The following FBXO34 variants were observed in gnomAD, a reference collection of about 807,000 sequenced individuals.
FBXO34 encodes F-box protein 34, also known as F-box only protein 34.
A neutral mutation model predicts 24.5 loss-of-function variants in FBXO34; 12 were observed. That is an observed-to-expected ratio of 0.49 (90% CI 0.31 to 0.79). FBXO34 has a LOEUF of 0.79. Among genes scored for constraint, FBXO34 ranks in the 30% least tolerant of loss-of-function variants. The pLI, the probability that FBXO34 is intolerant of heterozygous loss-of-function variation, is 0.04. For missense variants in FBXO34, 823 were observed against 857.7 expected, an observed-to-expected ratio of 0.96 and a Z score of 0.51; for synonymous variants, 320 against 311.9, an observed-to-expected ratio of 1.03 and a Z score of -0.27.
At chr14:55,375,725 GTTTC>G in the FBXO34 span, among the ~76,000 whole-genome samples, 1 of 152,044 alleles carries the variant, frequency 6.6e-6, no homozygotes, top group Non-Finnish European at 1.5e-5. Flanking sequence ...TCCCAACTTA[GTTTC>G]TTTCTTTCCA....
the FBXO34 span, among the ~76,000 whole-genome samples, chr14:55,386,452 GA>G: frequency 6.6e-6 from 1 of 152,202 alleles, no homozygotes; most frequent in African/African-American, 2.4e-5. Flanking sequence ...ATTCAAGTTT[GA>G]AAAACTTACT....
At chr14:55,439,490 C>T in the FBXO34 span, among the ~76,000 whole-genome samples, 1 of 115,244 alleles carries the variant, frequency 8.7e-6, no homozygotes, top group Non-Finnish European at 1.8e-5. Context: ...TGTGCATGTC[C>T]TTTAGAACCA....
At chr14:55,330,378 A>G (rs922860431) in intron 1 of FBXO34, among the ~76,000 whole-genome samples, 3 of 152,086 alleles carry the variant, frequency 2.0e-5, no homozygotes, top group East Asian at 1.9e-4. Context: ...TTCTCATCCC[A>G]TTCTGGATTT....
downstream of FBXO34, among the ~76,000 whole-genome samples, chr14:55,362,603 GGCCCCTGAACCA>G (rs1884607972): frequency 6.6e-6 from 1 of 152,164 alleles, no homozygotes; most frequent in Non-Finnish European, 1.5e-5. Context: ...CAGTACCAGT[GGCCCCTGAACCA>G]GAAAACAGTT....
chr14:55,418,562 C>T, the FBXO34 span, among the ~76,000 whole-genome samples: 1 of 152,166 alleles, frequency 6.6e-6, no homozygotes, highest in South Asian at 2.1e-4. Flanking sequence ...AATTGGGAGG[C>T]ACATCCTGTC....
chr14:55,432,213 G>A, the FBXO34 span, among the ~76,000 whole-genome samples: 1 of 146,360 alleles, frequency 6.8e-6, no homozygotes, highest in African/African-American at 2.5e-5. Flanking sequence ...TTCGAGACCA[G>A]CCTGGGCAAT....
intron 1 of FBXO34, among the ~76,000 whole-genome samples, chr14:55,294,603 C>T (rs1882057962): frequency 6.6e-6 from 1 of 152,130 alleles, no homozygotes; most frequent in Non-Finnish European, 1.5e-5. Context: ...AGAAAGTTAG[C>T]TATAAAATAG....
chr14:55,414,396 C>A, the FBXO34 span: 2 of 1,604,932 alleles, frequency 1.2e-6, no homozygotes, highest in African/African-American at 1.3e-5. Flanking sequence ...TTTTTAAAAC[C>A]TTTTAGAATA....
the FBXO34 span, among the ~76,000 whole-genome samples, chr14:55,377,426 C>A: frequency 6.6e-6 from 1 of 151,944 alleles, no homozygotes; most frequent in Admixed American, 6.6e-5. Context: ...GGAAACAGGG[C>A]AGACACTAGG....
the FBXO34 span, chr14:55,428,932 C>T: frequency 1.9e-6 from 3 of 1,614,146 alleles, no homozygotes; most frequent in Non-Finnish European, 2.5e-6. Context: ...GCTTCTGCAC[C>T]ACACGAGCAT....
the FBXO34 span, among the ~76,000 whole-genome samples, chr14:55,387,943 T>C: frequency 3.3e-5 from 5 of 152,170 alleles, no homozygotes; most frequent in Non-Finnish European, 5.9e-5. Context: ...ATTATAGGCA[T>C]GAGCCACTGC....
chr14:55,435,146 G>A, the FBXO34 span, among the ~76,000 whole-genome samples: 1 of 152,188 alleles, frequency 6.6e-6, no homozygotes, highest in Admixed American at 6.5e-5. Context: ...AAGCAGTTTA[G>A]CCTTCTCAGA....
the FBXO34 span, among the ~76,000 whole-genome samples, chr14:55,400,289 C>A: frequency 1.3e-5 from 2 of 152,186 alleles, no homozygotes; most frequent in African/African-American, 4.8e-5. Flanking sequence ...TATATTCAAA[C>A]CAAATTTAAT....
At chr14:55,414,349 C>A in the FBXO34 span, 2 of 1,532,580 alleles carry the variant, frequency 1.3e-6, no homozygotes, top group Non-Finnish European at 1.8e-6. Flanking sequence ...ATATTCAAAC[C>A]AGAATAATGT....
At chr14:55,370,025 C>T (rs1304294018), downstream of FBXO34, 29 of 1,137,722 alleles carry the variant, frequency 2.5e-5, no homozygotes, top group East Asian at 1.7e-4. Flanking sequence ...GGATGAGGGA[C>T]GCCGCACACC....
intron 1 of FBXO34, among the ~76,000 whole-genome samples, chr14:55,323,184 C>CTA (rs1555337910): frequency 8.2e-5 from 1 of 12,168 alleles, no homozygotes; most frequent in African/African-American, 5.2e-4. Flanking sequence ...GACTCTGTCT[C>CTA]AAAAAAAAAA....
the FBXO34 span, among the ~76,000 whole-genome samples, chr14:55,437,576 T>G: frequency 6.6e-6 from 1 of 152,256 alleles, no homozygotes; most frequent in Non-Finnish European, 1.5e-5. Flanking sequence ...CTTAGCTACT[T>G]TGGTTAGATC....
chr14:55,425,172 T>G, the FBXO34 span, among the ~76,000 whole-genome samples: 4 of 152,214 alleles, frequency 2.6e-5, no homozygotes, highest in African/African-American at 9.6e-5. Flanking sequence ...AAGTGAGTCT[T>G]GCCCATCTCA....
At chr14:55,407,606 T>C in the FBXO34 span, among the ~76,000 whole-genome samples, 1 of 152,220 alleles carries the variant, frequency 6.6e-6, no homozygotes, top group Non-Finnish European at 1.5e-5. Flanking sequence ...TTGACATTCC[T>C]TCAACAACAT....
Sources: gnomAD v4.1 joint callset for allele counts (sites outside exome capture counted in the v4.1 genomes callset) on GRCh38, gnomAD v4.1.1 for gene constraint, MANE v1.5 for transcripts, NCBI Gene and HGNC (gene_info 2026-07-23, HGNC 2026-07-21) for gene names.